Variants in E2F1 observed in about 807,000 individuals in gnomAD.
E2F1 encodes the protein transcription factor E2F1.
E2F1 carries 7 observed loss-of-function variants against 36.9 expected under a neutral mutation model. The ratio of observed to expected loss-of-function variants is 0.19; its 90% CI spans 0.11 to 0.36. The LOEUF (loss-of-function observed/expected upper bound fraction) is 0.36, where lower values mean the gene tolerates loss of function less well. Ranked by LOEUF, E2F1 falls within the 10% of genes least tolerant of loss-of-function variation. The pLI, the probability that E2F1 is intolerant of heterozygous loss-of-function variation, is 1.00. For missense variants in E2F1, 406 were observed against 573.6 expected (o/e 0.71, Z 2.99); for synonymous variants, 261 against 263.1 (o/e 0.99, Z 0.08).
intron 1 of E2F1, among the ~76,000 whole-genome samples, chr20:33,682,611 C>T (rs1264993272): frequency 1.3e-5 from 2 of 152,332 alleles, no homozygotes; most frequent in Middle Eastern, 3.4e-3. Flanking sequence ...GAAGGCAGGT[C>T]AGTGCCACGC....
chr20:33,677,117 T>C lies in E2F1; in HGVS notation c.1054A>G (p.Ser352Gly). 1.2e-6 allele frequency: 2 copies of C among 1,603,446 alleles called. No individual in the cohort carries two copies. Among genetic ancestry groups the C allele is most frequent in the Non-Finnish European group, 1.7e-6 (2 of 1,174,432 alleles). Reference sequence around the variant, plus strand: ...ACCCATCACCCACCTTGCTCCAGGCTGAGTAGAGACTGGCTGGGATCTGTG... The same window carrying C: ...ACCCATCACCCACCTTGCTCCAGGCCGAGTAGAGACTGGCTGGGATCTGTG... ...LTTDPSQSLL[S>G]LEQEPLLSRM... is the part of the protein sequence containing the mutation. Residue 352 changes from serine (S) to glycine (G), a missense_variant, in exon 6 of 7, where the codon AGC (serine) becomes GGC (glycine). Transcript: ENST00000343380.
rs1490022683 is a variant in E2F1, at chr20:33,676,590, A to G, written c.*142T>C. The stretch of plus-strand genomic sequence containing the variant: ...CCTCCTAGCGGTAGCCAGACCCCAG[A>G]GCTAGAAGCTTCTGGAGACAGAGGA... On this transcript the variant is annotated 3_prime_UTR_variant, in exon 7 of 7. Coordinates refer to ENST00000343380, the MANE Select transcript of E2F1 (RefSeq NM_005225.3). The G allele has an allele frequency of 1.8e-5, 23 of 1,292,382 alleles. No individual in the cohort carries two copies. Among genetic ancestry groups the G allele is most frequent in the Non-Finnish European group, 2.2e-5 (21 of 969,672 alleles). 80.1% of individuals were successfully genotyped at this position (1,292,382 alleles called of 1,614,324 possible). A position where few individuals can be genotyped will look rare whatever the true frequency, so the allele number is the denominator to read the frequency against.
In E2F1 at chr20:33,685,311, G is replaced by A. The variant is rs1601189625; in HGVS notation, c.261+693C>T. 6.6e-5 allele frequency among the ~76,000 whole-genome samples: 10 copies of A among 152,094 alleles called. No individual in the cohort carries two copies. In the South Asian group the frequency reaches 1.9e-3, roughly 28 times the overall value. On this transcript the variant is annotated intron_variant, in intron 1 of 6. Transcript: ENST00000343380. ...GGCAGAGGGAGGGGATCAGCAGCTGGTCCAGCTGCCCCGCCCCTGCAGAGA... is the reference window on the plus strand; with the variant it reads ...GGCAGAGGGAGGGGATCAGCAGCTGATCCAGCTGCCCCGCCCCTGCAGAGA...
intron 3 of E2F1, among the ~76,000 whole-genome samples, chr20:33,678,978 C>T (rs994537916): frequency 6.6e-6 from 1 of 152,098 alleles, no homozygotes; most frequent in Non-Finnish European, 1.5e-5. Flanking sequence ...ACAAAAGATG[C>T]AGAATGGAAC....
chr20:33,684,794 C>T lies in E2F1; in HGVS notation c.261+1210G>A, dbSNP rs552871297. On this transcript the variant is annotated intron_variant, in intron 1 of 6. Transcript: ENST00000343380. ...AGCCTCCTCAGGATGCCTCAGGGACCAGCTGCCACCCACACCCCCATCAGC... is the reference window on the plus strand; with the variant it reads ...AGCCTCCTCAGGATGCCTCAGGGACTAGCTGCCACCCACACCCCCATCAGC... Among the ~76,000 whole-genome samples the T allele has an allele frequency of 2.6e-5, 4 of 152,222 alleles. No homozygotes were observed. The East Asian group carries it at 7.7e-4, about 29-fold the overall frequency.
At chr20:33,677,892 T>TG in intron 4 of E2F1, among the ~76,000 whole-genome samples, 1 of 152,190 alleles carries the variant, frequency 6.6e-6, no homozygotes, top group Admixed American at 6.5e-5. Context: ...ACTCCTGGGC[T>TG]CAAGTGATCC....
At chr20:33,681,768 C>T (rs995327578) in intron 1 of E2F1, among the ~76,000 whole-genome samples, 7 of 152,168 alleles carry the variant, frequency 4.6e-5, no homozygotes, top group South Asian at 4.1e-4. Flanking sequence ...CTCATCACCA[C>T]GGCGATCACC....
chr20:33,682,229 C>CA (rs1398579058), intron 1 of E2F1, among the ~76,000 whole-genome samples: 3 of 152,168 alleles, frequency 2.0e-5, no homozygotes, highest in African/African-American at 7.2e-5. Flanking sequence ...GAATGAACCC[C>CA]CCCCATGCTG....
At position 33,679,163 on chromosome 20, in the gene E2F1, A is replaced by G. The variant is rs1305220511; in HGVS notation, c.572+592T>C. Among the ~76,000 whole-genome samples the G allele has an allele frequency of 6.6e-6, 1 of 152,272 alleles. No individual in the cohort carries two copies. The highest frequency in any genetic ancestry group is 2.4e-5 in the African/African-American group (1 of 41,478). The stretch of plus-strand genomic sequence containing the variant: ...GACCTGGCGGTGTGAGGGGTTGGCA[A>G]TGACTGGAAAGGGGCACAAGAGAAC... On this transcript the variant is annotated intron_variant, in intron 3 of 6. Transcript: ENST00000343380. The surrounding 1 kb of genome is among the most constrained non-coding windows in gnomAD (Gnocchi z 4.6).
intron 1 of E2F1, among the ~76,000 whole-genome samples, chr20:33,681,744 G>A (rs1317481593): frequency 1.3e-5 from 2 of 152,130 alleles, no homozygotes; most frequent in African/African-American, 4.8e-5. Flanking sequence ...CTCACATGCA[G>A]CTACCAAGAA....
rs534919188 is a variant in E2F1 at position 33,685,994 on chromosome 20, G to A, written c.261+10C>T. On this transcript the variant is annotated intron_variant, in intron 1 of 6. Transcript: ENST00000343380. ...CGGCGCTGTCGGCGCGGCGTCCCTGGGGTCCGTACCGGCGGGCGGCCGAGC... is the reference window on the plus strand; with the variant it reads ...CGGCGCTGTCGGCGCGGCGTCCCTGAGGTCCGTACCGGCGGGCGGCCGAGC... The A allele has an allele frequency of 2.8e-3, 3,187 of 1,130,020 alleles. 2 individuals carry two copies. Among genetic ancestry groups the A allele is most frequent in the Non-Finnish European group, 3.3e-3 (3,080 of 923,640 alleles). 70.0% of individuals were successfully genotyped at this position (1,130,020 alleles called of 1,614,324 possible).
rs748745091 is a variant in E2F1 at position 33,677,558 on chromosome 20, C to T, written c.726-18G>A. 2 of 1,598,046 alleles carry T rather than the reference C, an allele frequency of 1.3e-6. No individual in the cohort carries two copies. Among genetic ancestry groups the T allele is most frequent in the African/African-American group, 2.7e-5 (2 of 74,558 alleles). On this transcript the variant is annotated intron_variant, in intron 4 of 6. Coordinates refer to ENST00000343380, the MANE Select transcript of E2F1 (RefSeq NM_005225.3). ...AGGCCAGGGTTGGCAGAGTCAAGGA[C>T]CACATGACCTTTGACTTCTAGGGGG...
chr20:33,676,781 C>A lies in E2F1; in HGVS notation c.1265G>T (p.Arg422Ile). Reference protein sequence around the residue: ...HFGLEEGEGIRDLFDCDFGDL... With the variant: ...HFGLEEGEGIIDLFDCDFGDL... ...CCCAAAGTCACAGTCGAAGAGGTCT[C>A]TGATGCCCTCGCCCTCCTCGAGGCC... The change falls in exon 7 of 7, where the codon AGA (arginine) becomes ATA (isoleucine). Residue 422 changes from arginine (R) to isoleucine (I), a missense_variant. This residue lies in a region of E2F1 where 163 missense variants were observed against 181.5 expected (regional missense o/e 0.90). Coordinates refer to ENST00000343380, the MANE Select transcript of E2F1 (RefSeq NM_005225.3). 6.2e-7 allele frequency: 1 copy of A among 1,607,368 alleles called. No homozygotes were observed. The highest frequency in any genetic ancestry group is 1.3e-5 in the African/African-American group (1 of 74,866).
chr20:33,680,102 T>C (rs2018004470), intron 2 of E2F1, 128 bp from the exon 3 acceptor site: 1 of 946,160 alleles, frequency 1.1e-6, no homozygotes, highest in Non-Finnish European at 1.6e-6. Context: ...TCCTTCCCCT[T>C]GGCGAGGCCA....
intron 1 of E2F1, among the ~76,000 whole-genome samples, chr20:33,683,016 T>C (rs2018031488): frequency 2.0e-5 from 3 of 151,970 alleles, no homozygotes; most frequent in Admixed American, 1.3e-4. Context: ...ATGGTGTGAA[T>C]GATACAGGAA....
At position 33,686,137 on chromosome 20, in the gene E2F1, C is replaced by G; in HGVS notation, c.128G>C (p.Ser43Thr). Residue 43 changes from serine (S) to threonine (T), a missense_variant, in exon 1 of 7, where the codon AGC (serine) becomes ACC (threonine). By Grantham distance (58) the Ser-to-Thr change is moderately conservative. Coordinates refer to ENST00000343380, the MANE Select transcript of E2F1 (RefSeq NM_005225.3). ...IVIISAAQDA[S>T]APPAPTGPAA... The stretch of plus-strand genomic sequence containing the variant: ...GGGGCCGGTGGGAGCCGGCGGGGCG[C>G]TGGCGTCCTGCGCGGCGGAGATGAT... The G allele has an allele frequency of 9.4e-7, 1 of 1,060,282 alleles. No individual in the cohort carries two copies. The highest frequency in any genetic ancestry group is 5.5e-5 in the Admixed American group (1 of 18,118). 65.7% of individuals were successfully genotyped at this position (1,060,282 alleles called of 1,614,324 possible). A position where few individuals can be genotyped will look rare whatever the true frequency, so the allele number is the denominator to read the frequency against.
intron 3 of E2F1, 134 bp from the exon 4 acceptor site, chr20:33,678,487 CTGGCTCCTCAGCT>C: frequency 8.5e-7 from 1 of 1,175,164 alleles, no homozygotes. Flanking sequence ...CTGTCTGGGT[CTGGCTCCTCAGCT>C]GGGCTCCAAA....
intron 1 of E2F1, among the ~76,000 whole-genome samples, chr20:33,681,689 C>T (rs1012667112): frequency 6.6e-6 from 1 of 152,146 alleles, no homozygotes; most frequent in Non-Finnish European, 1.5e-5. Context: ...TCCCCTCCAC[C>T]ATCCACAGGG....
At position 33,681,272 on chromosome 20, in the gene E2F1, C is replaced by T. The variant is rs943491382; in HGVS notation, c.262-856G>A. ...CAGACTGGTCTCAAACTCCTAGGCT[C>T]AAGCAATTCTCCCATCTCAGCCTTC... On this transcript the variant is annotated intron_variant, in intron 1 of 6. Transcript: ENST00000343380. Among the ~76,000 whole-genome samples the T allele has an allele frequency of 2.0e-5, 3 of 152,168 alleles. 1 individual carries two copies. In the South Asian group the frequency reaches 6.2e-4, roughly 31 times the overall value.
Sources: allele counts gnomAD v4.1 joint callset (sites outside exome capture counted in the v4.1 genomes callset), GRCh38; gene constraint gnomAD v4.1.1; regional missense constraint gnomAD v4.1.1; non-coding constraint Gnocchi (gnomAD v3.1); transcripts MANE v1.5; gene names NCBI Gene and HGNC (gene_info 2026-07-23, HGNC 2026-07-21).